CSGALNACT2: variants seen among roughly 807,000 people sequenced by gnomAD.
CSGALNACT2 encodes the protein beta 4 GalNAcT-2.
CSGALNACT2 carries 35 observed loss-of-function variants against 55.3 expected under a neutral mutation model. That is an observed-to-expected ratio of 0.63 (90% confidence interval 0.48 to 0.84). The LOEUF is 0.84. Among genes scored for constraint, CSGALNACT2 ranks in the 40% least tolerant of loss-of-function variants. CSGALNACT2 has a pLI of 0.00. For missense variants in CSGALNACT2, 544 were observed against 657.5 expected, an observed-to-expected ratio of 0.83 and a Z score of 1.89; for synonymous variants, 196 against 224.9, an observed-to-expected ratio of 0.87 and a Z score of 1.15.
At chr10:43,168,846 GAGA>G (rs1411310067) in intron 6 of CSGALNACT2, among the ~76,000 whole-genome samples, 1 of 152,222 alleles carries the variant, frequency 6.6e-6, no homozygotes, top group Non-Finnish European at 1.5e-5. Flanking sequence ...TGGAAAATGA[GAGA>G]AGGTGTTAGC....
At chr10:43,150,876 CTTTG>C (rs1449862047) in intron 1 of CSGALNACT2, among the ~76,000 whole-genome samples, 1 of 152,072 alleles carries the variant, frequency 6.6e-6, no homozygotes, top group East Asian at 1.9e-4. Context: ...CTTATCAATG[CTTTG>C]TTTATATTTT....
chr10:43,147,217 C>T (rs1399166718), intron 1 of CSGALNACT2, among the ~76,000 whole-genome samples: 2 of 151,916 alleles, frequency 1.3e-5, no homozygotes, highest in South Asian at 2.1e-4. Flanking sequence ...CCTCGTGATC[C>T]GCCCGCCTCG....
chr10:43,167,029 G>A lies in CSGALNACT2; in HGVS notation c.1185G>A (p.Val395=). The A allele has an allele frequency of 6.2e-7, 1 of 1,611,760 alleles. No homozygotes were observed. Among genetic ancestry groups the A allele is most frequent in the South Asian group, 1.1e-5 (1 of 91,004 alleles). Residue 395 remains valine (V), a synonymous_variant, in exon 6 of 8, where the codon GTG becomes GTA. Coordinates refer to ENST00000374466, the MANE Select transcript of CSGALNACT2 (RefSeq NM_018590.5). ...GTAAGAAGGTGTTTTACCCTGTGGT[G>A]TTCAGTCTTTACAATCCTGCCATTG... ...EPGKKVFYPV[V]FSLYNPAIVY... is the part of the protein sequence containing the mutation.
At chr10:43,164,083 T>G (rs764932504) in intron 5 of CSGALNACT2, 39 bp downstream of exon 5, 13 of 1,550,716 alleles carry the variant, frequency 8.4e-6, no homozygotes, top group African/African-American at 1.4e-5. Context: ...CTATAGAATT[T>G]AGAACGTTGT....
intron 6 of CSGALNACT2, among the ~76,000 whole-genome samples, chr10:43,173,888 C>T (rs764457903): frequency 2.0e-4 from 30 of 151,992 alleles, no homozygotes; most frequent in African/African-American, 3.6e-4. Context: ...AGCTGTTCAG[C>T]GGACTGAGGC....
intron 4 of CSGALNACT2, 81 bp downstream of exon 4, chr10:43,160,676 ATTT>A: frequency 1.4e-6 from 1 of 719,314 alleles, no homozygotes; most frequent in Non-Finnish European, 2.5e-6. Context: ...TGAGTTAATA[ATTT>A]TTAGTAACTA....
rs777975323 is a variant in CSGALNACT2 at position 43,160,479 on chromosome 10, T to A, written c.879-15T>A. 4 of 1,337,652 alleles carry A rather than the reference T, an allele frequency of 3.0e-6. No homozygotes were observed. In the South Asian group the frequency reaches 3.7e-5, roughly 12 times the overall value. The allele number at this position is 1,337,652 out of a possible 1,614,324, so 82.9% of individuals were successfully genotyped here. A position where few individuals can be genotyped will look rare whatever the true frequency, so the allele number is the denominator to read the frequency against. ...ATGTTTTCTTGAATAAACTTTTATTTTTCACTTCTGTTAGGGATGTTTGTA... is the reference window on the plus strand; with the variant it reads ...ATGTTTTCTTGAATAAACTTTTATTATTCACTTCTGTTAGGGATGTTTGTA... On this transcript the variant is annotated splice_polypyrimidine_tract_variant and intron_variant, in intron 3 of 7. Coordinates refer to ENST00000374466, the MANE Select transcript of CSGALNACT2 (RefSeq NM_018590.5).
chr10:43,175,111 G>A (rs1197328839), intron 6 of CSGALNACT2, among the ~76,000 whole-genome samples: 1 of 152,232 alleles, frequency 6.6e-6, no homozygotes, highest in Non-Finnish European at 1.5e-5. Flanking sequence ...GTCAACAAAT[G>A]TTTTCTGTAG....
chr10:43,148,365 G>T (rs1398547076), intron 1 of CSGALNACT2, among the ~76,000 whole-genome samples: 2 of 152,050 alleles, frequency 1.3e-5, no homozygotes, highest in Non-Finnish European at 2.9e-5. Flanking sequence ...ATATTATTTG[G>T]GTTATTCTGG....
chr10:43,153,734 G>A (rs1441703908), intron 1 of CSGALNACT2, among the ~76,000 whole-genome samples: 1 of 152,166 alleles, frequency 6.6e-6, no homozygotes, highest in East Asian at 1.9e-4. Context: ...CTTGTCCTAA[G>A]TTAAACCTCT....
At chr10:43,139,796 G>A (rs1203782822) in intron 1 of CSGALNACT2, among the ~76,000 whole-genome samples, 1 of 152,208 alleles carries the variant, frequency 6.6e-6, no homozygotes, top group African/African-American at 2.4e-5. Flanking sequence ...CTATTTCATG[G>A]TATTGTATTA....
At chr10:43,162,482 G>C (rs1177089318) in intron 4 of CSGALNACT2, 1 of 985,320 alleles carries the variant, frequency 1.0e-6, no homozygotes, top group African/African-American at 1.7e-5. Context: ...ACTTGATGCT[G>C]AGTATGTGGG....
chr10:43,138,941 G>T (rs1838558049), intron 1 of CSGALNACT2, among the ~76,000 whole-genome samples: 1 of 152,220 alleles, frequency 6.6e-6, no homozygotes, highest in Non-Finnish European at 1.5e-5. Context: ...GCGAGCGCCG[G>T]TAAAGATGCT....
intron 6 of CSGALNACT2, among the ~76,000 whole-genome samples, chr10:43,169,752 A>G (rs1839348101): frequency 1.3e-5 from 2 of 151,874 alleles, no homozygotes; most frequent in African/African-American, 4.8e-5. Context: ...CAGTAAAAGG[A>G]CAATTCTAAT....
intron 7 of CSGALNACT2, among the ~76,000 whole-genome samples, chr10:43,176,394 G>C (rs1161090244): frequency 6.6e-6 from 1 of 151,964 alleles, no homozygotes; most frequent in East Asian, 1.9e-4. Flanking sequence ...GAGTAATCTT[G>C]GTTATCTAGA....
rs758077647 is a variant in CSGALNACT2 at position 43,155,428 on chromosome 10, G to T, written c.279G>T (p.Met93Ile). The change falls in exon 2 of 8, where the codon ATG becomes ATT. Residue 93 changes from methionine (M) to isoleucine (I), a missense_variant. Physicochemically the swap from Met to Ile is conservative, Grantham distance 10 (BLOSUM62 1). Transcript: ENST00000374466. The part of the protein sequence containing the change: ...KQELQEMSEK[M>I]RSLQERRNVG... ...AATTACAAGAAATGAGTGAGAAGAT[G>T]CGGTCACTGCAAGAAAGAAGGAATG... The T allele has an allele frequency of 6.2e-7, 1 of 1,614,208 alleles. No homozygotes were observed. The highest frequency in any genetic ancestry group is 1.1e-5 in the South Asian group (1 of 91,078).
rs1394500864 is a variant in CSGALNACT2 at position 43,167,000 on chromosome 10, G to A, written c.1160-4G>A. The A allele has an allele frequency of 2.5e-6, 4 of 1,572,566 alleles. No individual in the cohort carries two copies. The South Asian group carries it at 4.5e-5, about 18-fold the overall frequency. ...ATGTTACAAACCTATATTTTAATTT[G>A]TAGGTAAGAAGGTGTTTTACCCTGT... On this transcript the variant is annotated splice_polypyrimidine_tract_variant and splice_region_variant and intron_variant, in intron 5 of 7. Coordinates refer to ENST00000374466, the MANE Select transcript of CSGALNACT2 (RefSeq NM_018590.5).
intron 1 of CSGALNACT2, among the ~76,000 whole-genome samples, chr10:43,153,650 T>C (rs1838929737): frequency 6.6e-6 from 1 of 152,196 alleles, no homozygotes; most frequent in Non-Finnish European, 1.5e-5. Context: ...CCTGCTGTCA[T>C]ATCACATTAT....
chr10:43,138,725 C>G (rs991085688), intron 1 of CSGALNACT2, among the ~76,000 whole-genome samples, 158 bp downstream of exon 1: 2 of 152,070 alleles, frequency 1.3e-5, no homozygotes, highest in Non-Finnish European at 2.9e-5. Context: ...ATGAGCCTGC[C>G]GGAGTCGGCA....
Sources: allele counts gnomAD v4.1 joint callset (sites outside exome capture counted in the v4.1 genomes callset), GRCh38; gene constraint gnomAD v4.1.1; transcripts MANE v1.5; gene names NCBI Gene and HGNC (gene_info 2026-07-23, HGNC 2026-07-21).